The following RAPGEF2 variants were observed in gnomAD, a reference collection of about 807,000 sequenced individuals.
RAPGEF2 encodes the protein Rap guanine nucleotide exchange factor 2, also known as PDZ domain containing guanine nucleotide exchange factor (GEF) 1.
In RAPGEF2, 54 loss-of-function variants were observed where a neutral mutation model predicts 186.7. The ratio of observed to expected loss-of-function variants is 0.29; its 90% CI spans 0.23 to 0.36. The LOEUF is 0.36. RAPGEF2 is among the 10% of genes least tolerant of loss of function. The pLI is 1.00. For missense variants in RAPGEF2, 1,532 were observed against 2,045.0 expected, an observed-to-expected ratio of 0.75 and a Z score of 4.84; for synonymous variants, 712 against 705.9, an observed-to-expected ratio of 1.01 and a Z score of -0.14.
chr4:159,265,101 T>C (rs572198847), intron 7 of RAPGEF2, among the ~76,000 whole-genome samples: 1 of 152,308 alleles, frequency 6.6e-6, no homozygotes, highest in African/African-American at 2.4e-5. Context: ...TGACAGAAAC[T>C]AGTCTAGAGG....
chr4:159,347,094 A>G lies in RAPGEF2; in HGVS notation c.3712+96A>G, dbSNP rs2111297721. On this transcript the variant is annotated intron_variant, in intron 25 of 29. Coordinates refer to ENST00000691494, the MANE Select transcript of RAPGEF2 (RefSeq NM_001394067.2). ...TTTGTCTTGGATAACTTTGTCTAATATATTTGAGTTTCTCTGTAATTATTA... is the reference window on the plus strand; with the variant it reads ...TTTGTCTTGGATAACTTTGTCTAATGTATTTGAGTTTCTCTGTAATTATTA... 17 of 1,174,384 alleles carry G rather than the reference A, an allele frequency of 1.4e-5. No homozygotes were observed. In the South Asian group the frequency reaches 2.1e-4, roughly 15 times the overall value. 72.7% of individuals were successfully genotyped at this position (1,174,384 alleles called of 1,614,324 possible). A position where few individuals can be genotyped will look rare whatever the true frequency, so the allele number is the denominator to read the frequency against.
chr4:159,238,327 G>A (rs1222628149), intron 4 of RAPGEF2, among the ~76,000 whole-genome samples: 1 of 152,070 alleles, frequency 6.6e-6, no homozygotes, highest in African/African-American at 2.4e-5. Context: ...TTTAGAATAA[G>A]TTGATTTGAA....
In RAPGEF2 at chr4:159,356,075, A is replaced by G. The variant is rs571832915; in HGVS notation, c.4874A>G (p.Asn1625Ser). The G allele has an allele frequency of 6.2e-7, 1 of 1,614,070 alleles. No individual in the cohort carries two copies. Among genetic ancestry groups the G allele is most frequent in the Non-Finnish European group, 8.5e-7 (1 of 1,180,046 alleles). ...CATCCCACCAGCAGCAGGCCTGTGA[A>G]CAAACCTCAGTGGCATAAACCGAAC... is the stretch of plus-strand genomic sequence containing the variant. ...HGHPTSSRPV[N>S]KPQWHKPNES... Residue 1625 changes from asparagine (N) to serine (S), a missense_variant, in exon 29 of 30, where the codon AAC (asparagine) becomes AGC (serine). Transcript: ENST00000691494.
chr4:159,147,805 ATC>A (rs541238161), intron 1 of RAPGEF2, among the ~76,000 whole-genome samples: 1 of 152,228 alleles, frequency 6.6e-6, no homozygotes, highest in Non-Finnish European at 1.5e-5. Flanking sequence ...AAGATACCTA[ATC>A]TCTCAGTGCC....
chr4:159,233,633 AG>A (rs1285169563), intron 4 of RAPGEF2, among the ~76,000 whole-genome samples: 1 of 152,040 alleles, frequency 6.6e-6, no homozygotes, highest in Non-Finnish European at 1.5e-5. Flanking sequence ...AAGTGTGAGA[AG>A]GGGGTGAGGG....
chr4:159,273,685 T>TCTTC, intron 7 of RAPGEF2, among the ~76,000 whole-genome samples: 1 of 148,250 alleles, frequency 6.7e-6, no homozygotes, highest in East Asian at 2.0e-4. Context: ...TTTCTTTCTT[T>TCTTC]CTTTCTTTCT....
At chr4:159,333,909 G>T (rs1441880987) in intron 17 of RAPGEF2, among the ~76,000 whole-genome samples, 1 of 152,130 alleles carries the variant, frequency 6.6e-6, no homozygotes, top group Non-Finnish European at 1.5e-5. Flanking sequence ...TTCCGTTTCA[G>T]ATCTTTTTTA....
chr4:159,292,000 C>A (rs562315504), intron 7 of RAPGEF2, among the ~76,000 whole-genome samples: 2 of 151,884 alleles, frequency 1.3e-5, no homozygotes, highest in African/African-American at 4.8e-5. Context: ...TTCTTTATAC[C>A]CTTCCATAGT....
chr4:159,228,377 G>A (rs1752258763), intron 4 of RAPGEF2: 2 of 152,244 alleles, frequency 1.3e-5, no homozygotes, highest in Admixed American at 6.5e-5. Flanking sequence ...TTTTTTAAAG[G>A]AATTAAAATG....
chr4:159,295,712 AGTGTGTGAGT>A (rs765293163), intron 7 of RAPGEF2, among the ~76,000 whole-genome samples: 6 of 97,292 alleles, frequency 6.2e-5, no homozygotes, highest in Non-Finnish European at 8.3e-5. Context: ...AGAGAGAGAG[AGTGTGTGAGT>A]GTGTGTGTGT....
intron 1 of RAPGEF2, among the ~76,000 whole-genome samples, chr4:159,110,161 G>GA (rs1738331499): frequency 6.6e-6 from 1 of 152,132 alleles, no homozygotes; most frequent in Non-Finnish European, 1.5e-5. Context: ...TAGTTCATAG[G>GA]AAAAAATCCA....
intron 4 of RAPGEF2, among the ~76,000 whole-genome samples, chr4:159,212,682 T>C (rs1158083289): frequency 1.3e-5 from 2 of 152,246 alleles, no homozygotes; most frequent in African/African-American, 4.8e-5. Context: ...TTTTAAAGAA[T>C]ACATTTTATT....
Position 159,268,337 on chromosome 4 carries a change from T to A in RAPGEF2, c.543+24546T>A, listed in dbSNP as rs550780357. 97 of 764,002 alleles carry A rather than the reference T, an allele frequency of 1.3e-4. 1 individual carries two copies. The South Asian group carries it at 1.8e-3, about 14-fold the overall frequency. The allele number at this position is 764,002 out of a possible 1,614,324, so 47.3% of individuals were successfully genotyped here. ...TTTGTAGAAGGTATAGTAGTCTGCT[T>A]GGAGAGGAGGGGAGGGTGCATTAAA... On this transcript the variant is annotated intron_variant, in intron 7 of 29. Coordinates refer to ENST00000691494, the MANE Select transcript of RAPGEF2 (RefSeq NM_001394067.2).
Position 159,282,602 on chromosome 4 carries a change from G to C in RAPGEF2, c.544-21740G>C, listed in dbSNP as rs754657958. On this transcript the variant is annotated intron_variant, in intron 7 of 29. Transcript: ENST00000691494. ...ATACACCAAGTCTTAATTTAAATCTGTTTTTCTTGCCTTTTCTAACGAAAG... is the reference window on the plus strand; with the variant it reads ...ATACACCAAGTCTTAATTTAAATCTCTTTTTCTTGCCTTTTCTAACGAAAG... 6.7e-6 allele frequency: 3 copies of C among 445,314 alleles called. No homozygotes were observed. The East Asian group carries it at 2.2e-4, about 32-fold the overall frequency. 27.6% of individuals were successfully genotyped at this position (445,314 alleles called of 1,614,324 possible).
At chr4:159,357,016 T>TTA (rs1732127055) in intron 29 of RAPGEF2, among the ~76,000 whole-genome samples, 1 of 152,194 alleles carries the variant, frequency 6.6e-6, no homozygotes, top group African/African-American at 2.4e-5. Flanking sequence ...ACATTATATT[T>TTA]GCGCTTTTAA....
In RAPGEF2 at chr4:159,148,886, G is replaced by C. The variant is rs550237629; in HGVS notation, c.70-37756G>C. Among the ~76,000 whole-genome samples the C allele has an allele frequency of 1.2e-3, 183 of 152,138 alleles. 1 individual carries two copies. Among genetic ancestry groups the C allele is most frequent in the Non-Finnish European group, 2.3e-3 (154 of 68,002 alleles). Reference sequence around the variant, plus strand: ...TCTTAAATTTTGATATTTTATAAATGTTAGTTACTTTGTTTATTGGAAAAA... The same window carrying C: ...TCTTAAATTTTGATATTTTATAAATCTTAGTTACTTTGTTTATTGGAAAAA... On this transcript the variant is annotated intron_variant, in intron 1 of 29. Coordinates refer to ENST00000691494, the MANE Select transcript of RAPGEF2 (RefSeq NM_001394067.2).
At chr4:159,342,063 G>C in intron 20 of RAPGEF2, 116 bp downstream of exon 20, 1 of 1,038,262 alleles carries the variant, frequency 9.6e-7, no homozygotes, top group Non-Finnish European at 1.4e-6. Context: ...TGACTCATAA[G>C]AGACAATTCT....
chr4:159,115,553 AT>A (rs11338190), intron 1 of RAPGEF2, among the ~76,000 whole-genome samples: 145,602 of 150,376 alleles, frequency 0.97, 70,624 homozygotes, highest in Non-Finnish European at 1. Context: ...TAAGTTTCTG[AT>A]TTTTTTTTTT....
At chr4:159,172,011 T>G (rs536429479) in intron 1 of RAPGEF2, among the ~76,000 whole-genome samples, 6 of 152,162 alleles carry the variant, frequency 3.9e-5, no homozygotes, top group African/African-American at 1.4e-4. Flanking sequence ...TCAATATAAT[T>G]TCAAGTAATG....
Sources: allele counts gnomAD v4.1 joint callset (sites outside exome capture counted in the v4.1 genomes callset), GRCh38; gene constraint gnomAD v4.1.1; transcripts MANE v1.5; gene names NCBI Gene and HGNC (gene_info 2026-07-23, HGNC 2026-07-21).